The following PKD1 variants were observed in gnomAD, a reference collection of about 807,000 sequenced individuals.
The protein encoded by PKD1 is polycystin 1, transient receptor potential channel interacting.
Under a neutral mutation model 361.7 loss-of-function variants are expected in PKD1, and 81 were observed. The observed-to-expected ratio is 0.22, with a 90% CI of 0.19 to 0.27. PKD1 has a LOEUF of 0.27. Among genes scored for constraint, PKD1 ranks in the 10% least tolerant of loss-of-function variants. PKD1 has a pLI of 1.00. For missense variants in PKD1, 6,399 were observed against 6,118.3 expected, an observed-to-expected ratio of 1.05 and a Z score of -1.53; for synonymous variants, 3,615 against 2,818.3, an observed-to-expected ratio of 1.28 and a Z score of -8.95.
chr16:2,126,413 G>A (rs909465067), intron 1 of PKD1, among the ~76,000 whole-genome samples: 20 of 152,284 alleles, frequency 1.3e-4, no homozygotes, highest in African/African-American at 4.6e-4. Context: ...GGCCTCGGGA[G>A]CTGCAGGGAG....
At chr16:2,098,754 T>C (rs1022177715) in intron 30 of PKD1, 2 of 144,116 alleles carry the variant, frequency 1.4e-5, no homozygotes, top group African/African-American at 2.8e-5. Context: ...CTGTGAAGGA[T>C]TGGTGTTAAT....
Position 2,108,350 on chromosome 16 carries a change from C to T in PKD1, c.6817G>A (p.Asp2273Asn), listed in dbSNP as rs758867362. The stretch of plus-strand genomic sequence containing the variant: ...GACTCGCTCCCATCCAGCACCAGGT[C>T]CCGTGTGTCTGACCACACGCGGTAT... Reference protein sequence around the residue: ...GSYRVWSDTRDLVLDGSESYD... With the variant: ...GSYRVWSDTRNLVLDGSESYD... Residue 2273 changes from aspartate to asparagine, a missense_variant, in exon 15 of 46, where the codon GAC becomes AAC. Transcript: ENST00000262304. 131 of 1,609,214 alleles carry T rather than the reference C, an allele frequency of 8.1e-5. No individual in the cohort carries two copies. Among genetic ancestry groups the T allele is most frequent in the Non-Finnish European group, 1.1e-4 (127 of 1,178,734 alleles).
At chr16:2,107,699 T>C (rs948822978) in intron 16 of PKD1, 184 bp downstream of exon 16, 5 of 664,926 alleles carry the variant, frequency 7.5e-6, no homozygotes, top group African/African-American at 5.3e-5. Context: ...AGACTGTACG[T>C]GGAACTGTGG....
Position 2,111,248 on chromosome 16 carries a change from T to G in PKD1, c.3919A>C (p.Thr1307Pro). The G allele has an allele frequency of 6.2e-7, 1 of 1,610,582 alleles. No homozygotes were observed. Among genetic ancestry groups the G allele is most frequent in the African/African-American group, 1.3e-5 (1 of 74,974 alleles). Residue 1307 changes from threonine (T) to proline (P), a missense_variant, in exon 15 of 46, where the codon ACG becomes CCG. Coordinates refer to ENST00000262304, the MANE Select transcript of PKD1 (RefSeq NM_001009944.3). ...GCCGTGAGCCGCGCGTCAGGCTGCG[T>G]GGGGATGCAGGCGGCGGGTTCAACG... ...LRVEPAACIP[T>P]QPDARLTAYV...
Position 2,106,254 on chromosome 16 carries a change from G to A in PKD1, c.7540C>T (p.Leu2514=), listed in dbSNP as rs183417822. The change falls in exon 19 of 46, where the codon CTG becomes TTG. Residue 2514 remains leucine, a synonymous_variant. Transcript: ENST00000262304. The surrounding 1 kb of genome is among the most constrained non-coding windows in gnomAD (Gnocchi z 6.5). The part of the protein sequence containing the change: ...AGAPLVYALL[L]RRCRQGHCEE... ...CAGTGGCCCTGGCGACAGCGCCGCA[G>A]CAGCAGGGCGTACACCAGCGGGGCG... The A allele has an allele frequency of 1.6e-4, 254 of 1,610,236 alleles. No homozygotes were observed. The highest frequency in any genetic ancestry group is 2.1e-4 in the Non-Finnish European group (245 of 1,179,540).
Position 2,089,364 on chromosome 16 carries a change from T to C in PKD1, c.*363A>G, listed in dbSNP as rs1596469335. The C allele has an allele frequency of 2.7e-6, 1 of 368,834 alleles. No homozygotes were observed. The highest frequency in any genetic ancestry group is 2.1e-5 in the African/African-American group (1 of 48,682). 22.8% of individuals were successfully genotyped at this position (368,834 alleles called of 1,614,324 possible). A position where few individuals can be genotyped will look rare whatever the true frequency, so the allele number is the denominator to read the frequency against. On this transcript the variant is annotated 3_prime_UTR_variant, in exon 46 of 46. Coordinates refer to ENST00000262304, the MANE Select transcript of PKD1 (RefSeq NM_001009944.3). ...TAACTTAGGGGCAGGGTGGCGGCGGTGCAGGCTAACCCTCCCTGAAGCCAG... is the reference window on the plus strand; with the variant it reads ...TAACTTAGGGGCAGGGTGGCGGCGGCGCAGGCTAACCCTCCCTGAAGCCAG...
intron 13 of PKD1, 78 bp from the exon 14 acceptor site, chr16:2,112,551 G>T: frequency 3.0e-6 from 4 of 1,354,916 alleles, no homozygotes; most frequent in Non-Finnish European, 3.1e-6. Context: ...TTGGGACCCA[G>T]CCGAGGCTCC....
At chr16:2,092,017 G>A (rs770380793) in intron 40 of PKD1, 30 bp downstream of exon 40, 17 of 1,612,442 alleles carry the variant, frequency 1.1e-5, no homozygotes, top group Middle Eastern at 1.6e-4. Context: ...TGTCCTTGGC[G>A]TAGACGCCCG....
Position 2,108,650 on chromosome 16 carries a change from C to A in PKD1, c.6517G>T (p.Val2173Phe). The change falls in exon 15 of 46, where the codon GTT becomes TTT. Residue 2173 changes from valine to phenylalanine, a missense_variant. By Grantham distance (50) the Val-to-Phe change is conservative (BLOSUM62 -1). Coordinates refer to ENST00000262304, the MANE Select transcript of PKD1 (RefSeq NM_001009944.3). ...TAGGTGACGCAGTCGCGCAGGTCAA[C>A]GTGGGCCTCCAAGTAGTTGCGCTGT... The part of the protein sequence containing the change: ...RSQRNYLEAH[V>F]DLRDCVTYQT... The A allele has an allele frequency of 2.6e-6, 4 of 1,562,686 alleles. No homozygotes were observed. The highest frequency in any genetic ancestry group is 3.5e-6 in the Non-Finnish European group (4 of 1,154,576).
Position 2,103,320 on chromosome 16 carries a change from T to C in PKD1, c.8737A>G (p.Ser2913Gly), listed in dbSNP as rs761902904. 2 of 1,607,932 alleles carry C rather than the reference T, an allele frequency of 1.2e-6. No individual in the cohort carries two copies. The highest frequency in any genetic ancestry group is 1.1e-5 in the South Asian group (1 of 90,982). Residue 2913 changes from serine to glycine, a missense_variant, in exon 23 of 46, where the codon AGC becomes GGC. Physicochemically the swap from Ser to Gly is moderately conservative, Grantham distance 56. Transcript: ENST00000262304. ...ASVGAVVTLD[S>G]SNPAAGLHLQ... The stretch of plus-strand genomic sequence containing the variant: ...TGCAGCCCGGCCGCAGGGTTGCTGC[T>C]GTCCAGGGTGACCACAGCACCGACG...
rs375440448 is a variant in PKD1 at position 2,109,285 on chromosome 16, G to A, written c.5882C>T (p.Ala1961Val). The change falls in exon 15 of 46, where the codon GCG (alanine) becomes GTG (valine). Residue 1961 changes from alanine (A) to valine (V), a missense_variant. Physicochemically the swap from Ala to Val is moderately conservative, Grantham distance 64. Coordinates refer to ENST00000262304, the MANE Select transcript of PKD1 (RefSeq NM_001009944.3). ...CTCCAGCACCACGATGCGCACCTGC[G>A]CCTGGGCCCAGCTCACGTGGTTTTT... ...RGKNHVSWAQ[A>V]QVRIVVLEAV... is the part of the protein sequence containing the mutation. 2.2e-4 allele frequency: 350 copies of A among 1,583,378 alleles called. No individual in the cohort carries two copies. Among genetic ancestry groups the A allele is most frequent in the Non-Finnish European group, 2.8e-4 (321 of 1,166,594 alleles).
chr16:2,128,848 G>T (rs938756460), intron 1 of PKD1, among the ~76,000 whole-genome samples: 2 of 152,074 alleles, frequency 1.3e-5, no homozygotes, highest in Non-Finnish European at 2.9e-5. Flanking sequence ...GAGACTACAG[G>T]CATGCGCCAC....
rs752891779 is a variant in PKD1 at position 2,110,721 on chromosome 16, C to T, written c.4446G>A (p.Gln1482=). Residue 1482 remains glutamine (Q), a synonymous_variant, in exon 15 of 46, where the codon CAG becomes CAA. Coordinates refer to ENST00000262304, the MANE Select transcript of PKD1 (RefSeq NM_001009944.3). The part of the protein sequence containing the change: ...KVNGSLGLEL[Q]QPYLFSAVGR... ...CCACAGCAGAGAACAGGTACGGCTGCTGCAGCTCCAGCCCAAGGGAGCCAT... is the reference window on the plus strand; with the variant it reads ...CCACAGCAGAGAACAGGTACGGCTGTTGCAGCTCCAGCCCAAGGGAGCCAT... 1.9e-6 allele frequency: 3 copies of T among 1,609,148 alleles called. No homozygotes were observed. The highest frequency in any genetic ancestry group is 2.7e-5 in the African/African-American group (2 of 74,854).
Position 2,118,239 on chromosome 16 carries a change from G to T in PKD1, c.753C>A (p.Pro251=). ...SFACLSLCSG[P]PPPPAPTCRG... ...TACAGGTGGGGGCAGGAGGTGGCGG[G>T]GGGCCGGAGCAGAGGGACAGGCAGG... The change falls in exon 5 of 46, where the codon CCC becomes CCA. Residue 251 remains proline (P), a synonymous_variant. Transcript: ENST00000262304. The surrounding 1 kb of genome is among the most constrained non-coding windows in gnomAD (Gnocchi z 6.0). 3.9e-6 allele frequency: 6 copies of T among 1,531,802 alleles called. No homozygotes were observed. The highest frequency in any genetic ancestry group is 5.3e-6 in the Non-Finnish European group (6 of 1,142,810). 94.9% of individuals were successfully genotyped at this position (1,531,802 alleles called of 1,614,324 possible).
At chr16:2,090,630 C>T (rs201413320) in intron 44 of PKD1, 40 bp from the exon 45 acceptor site, 1 of 1,609,730 alleles carries the variant, frequency 6.2e-7, no homozygotes, top group Non-Finnish European at 8.5e-7. Context: ...TACAGCTGAG[C>T]TGAGCTGAGC....
chr16:2,134,842 T>TC (rs200341010), intron 1 of PKD1, among the ~76,000 whole-genome samples: 18,576 of 143,046 alleles, frequency 0.13, 1,571 homozygotes, highest in African/African-American at 0.23. Flanking sequence ...CCCACGGCAA[T>TC]CCCCCCTCAC....
Position 2,109,616 on chromosome 16 carries a change from G to T in PKD1, c.5551C>A (p.His1851Asn). 2 of 1,609,304 alleles carry T rather than the reference G, an allele frequency of 1.2e-6. No homozygotes were observed. Among genetic ancestry groups the T allele is most frequent in the Non-Finnish European group, 1.7e-6 (2 of 1,178,576 alleles). ...VPGGSSKRGP[H>N]VTMVFPDAGT... ...GCATCCGGGAAGACCATGGTGACAT[G>T]AGGGCCACGCTTGCTGCTGCCGCCG... Residue 1851 changes from histidine (H) to asparagine (N), a missense_variant, in exon 15 of 46, where the codon CAT becomes AAT. Transcript: ENST00000262304.
Position 2,092,077 on chromosome 16 carries a change from G to C in PKD1, c.11381C>G (p.Thr3794Arg), listed in dbSNP as rs968259191. ...GWESPHNGSGTWAYSAPDLLG... is the reference protein window; with the variant it reads ...GWESPHNGSGRWAYSAPDLLG... ...CAGATCCGGCGCTGAATAGGCCCAC[G>C]TCCCCGAGCCATTGTGAGGACTCTC... is the stretch of plus-strand genomic sequence containing the variant. Residue 3794 changes from threonine to arginine, a missense_variant, in exon 40 of 46, where the codon ACG (threonine) becomes AGG (arginine). Physicochemically the swap from Thr to Arg is moderately conservative, Grantham distance 71 (BLOSUM62 -1). Transcript: ENST00000262304. The C allele has an allele frequency of 6.2e-7, 1 of 1,612,586 alleles. No homozygotes were observed. The highest frequency in any genetic ancestry group is 1.7e-5 in the Admixed American group (1 of 60,004).
Position 2,108,418 on chromosome 16 carries a change from G to A in PKD1, c.6749C>T (p.Thr2250Met), listed in dbSNP as rs139971481. The A allele has an allele frequency of 3.3e-3, 5,239 of 1,610,544 alleles. 16 individuals are homozygous for A. The highest frequency in any genetic ancestry group is 3.9e-3 in the Non-Finnish European group (4,596 of 1,179,726). ...PLTQSIQANV[T>M]VAPERLVPII... is the part of the protein sequence containing the mutation. The stretch of plus-strand genomic sequence containing the variant: ...GGGCACCAGGCGCTCGGGGGCCACC[G>A]TCACATTGGCCTGGATGCTCTGTGT... Residue 2250 changes from threonine to methionine, a missense_variant, in exon 15 of 46, where the codon ACG becomes ATG. Physicochemically the swap from Thr to Met is moderately conservative, Grantham distance 81 (BLOSUM62 -1). Coordinates refer to ENST00000262304, the MANE Select transcript of PKD1 (RefSeq NM_001009944.3).
Sources: gnomAD v4.1 joint callset for allele counts (sites outside exome capture counted in the v4.1 genomes callset) on GRCh38, gnomAD v4.1.1 for gene constraint, Gnocchi (gnomAD v3.1) non-coding constraint, MANE v1.5 for transcripts, NCBI Gene and HGNC (gene_info 2026-07-23, HGNC 2026-07-21) for gene names.